KANK2: variants seen among roughly 807,000 people sequenced by gnomAD.
KANK2 encodes the protein KN motif and ankyrin repeat domains 2, also known as KN motif and ankyrin repeat domain-containing protein 2.
Under a neutral mutation model 74.6 loss-of-function variants are expected in KANK2, and 41 were observed. That is an observed-to-expected ratio of 0.55 (90% CI 0.43 to 0.71). The LOEUF (loss-of-function observed/expected upper bound fraction) is 0.71, where lower values mean the gene tolerates loss of function less well. KANK2 is among the 30% of genes least tolerant of loss of function. The pLI, the probability that KANK2 is intolerant of heterozygous loss-of-function variation, is 0.00. For synonymous variants in KANK2, 537 were observed against 519.0 expected, an observed-to-expected ratio of 1.03 and a Z score of -0.47; for missense variants, 1,148 against 1,196.4, an observed-to-expected ratio of 0.96 and a Z score of 0.60.
chr19:11,183,060 A>C lies in KANK2; in HGVS notation c.1250-4340T>G, dbSNP rs552792374. ...GTTATCCCACTGGGGAATGGGGCCA[A>C]CTGACACTAAAATTTACACAAAAGA... On this transcript the variant is annotated intron_variant, in intron 4 of 12. Coordinates refer to ENST00000586659, the MANE Select transcript of KANK2 (RefSeq NM_001136191.3). Among the ~76,000 whole-genome samples, 8 of 152,302 alleles carry C rather than the reference A, an allele frequency of 5.3e-5. No individual in the cohort carries two copies. The South Asian group carries it at 1.7e-3, about 32-fold the overall frequency.
rs770819010 is a variant in KANK2, at chr19:11,193,023, G to T, written c.1057C>A (p.Arg353=). Residue 353 remains arginine, a synonymous_variant, in exon 4 of 13, where the codon CGG becomes AGG. Coordinates refer to ENST00000586659, the MANE Select transcript of KANK2 (RefSeq NM_001136191.3). The surrounding 1 kb of genome is among the most constrained non-coding windows in gnomAD (Gnocchi z 9.6). ...ASTAAGAPAQ[R]AQSLEPYGTG... ...CCGTAAGGCTCCAGGCTCTGGGCCC[G>T]CTGTGCGGGGGCGCCAGCGGCTGTG... 3 of 1,612,726 alleles carry T rather than the reference G, an allele frequency of 1.9e-6. No individual in the cohort carries two copies. The Admixed American group carries it at 5.0e-5, about 27-fold the overall frequency.
chr19:11,194,608 CG>C lies in KANK2; in HGVS notation c.-79-19del. The C allele has an allele frequency of 1.0e-6, 1 of 986,876 alleles. No homozygotes were observed. The highest frequency in any genetic ancestry group is 1.6e-6 in the Non-Finnish European group (1 of 620,436). The allele number at this position is 986,876 out of a possible 1,614,324, so 61.1% of individuals were successfully genotyped here. ...AGGCTTACCTGGGGAAAGAGAACCA[CG>C]GCGCCGGGAGTTAGGAGTCTGTAGG... is the stretch of plus-strand genomic sequence containing the variant. On this transcript the variant is annotated intron_variant, in intron 2 of 12. Transcript: ENST00000586659.
At position 11,166,471 on chromosome 19, in the gene KANK2, G is replaced by A. The variant is rs1324261268; in HGVS notation, c.*87C>T. The A allele has an allele frequency of 5.6e-6, 7 of 1,258,732 alleles. No homozygotes were observed. The highest frequency in any genetic ancestry group is 8.1e-6 in the Non-Finnish European group (7 of 861,148). 78.0% of individuals were successfully genotyped at this position (1,258,732 alleles called of 1,614,324 possible). ...GTGGGCCTTGGGGAGTGTGAGTGGG[G>A]TGGGCCAGGGAGGAACGGGAACAGG... is the stretch of plus-strand genomic sequence containing the variant. On this transcript the variant is annotated 3_prime_UTR_variant, in exon 13 of 13. Transcript: ENST00000586659.
In KANK2 at chr19:11,176,704, G is replaced by A; in HGVS notation, c.1634C>T (p.Pro545Leu). ...RERVPSVAEA[P>L]QLRPAGTAAA... ...TGCCGTCCCTGCAGGCCTGAGCTGG[G>A]GGGCTTCGGCCACACTCGGAACCCT... The change falls in exon 7 of 13, where the codon CCC (proline) becomes CTC (leucine). Residue 545 changes from proline to leucine, a missense_variant. Pro to Leu is a moderately conservative substitution (Grantham distance 98). Transcript: ENST00000586659. 1 of 1,612,876 alleles carries A rather than the reference G, an allele frequency of 6.2e-7. No homozygotes were observed. Among genetic ancestry groups the A allele is most frequent in the Non-Finnish European group, 8.5e-7 (1 of 1,179,572 alleles).
rs745565215 is a variant in KANK2, at chr19:11,192,790, C to CG, written c.1249+40_1249+41insC. Reference sequence around the variant, plus strand: ...AGCCATGGGAAGAAAGAGGCCCCCCCCCCCCAAGCCATTCTCCCCTGCCTG... The same window carrying CG: ...AGCCATGGGAAGAAAGAGGCCCCCCCGCCCCCAAGCCATTCTCCCCTGCCTG... On this transcript the variant is annotated intron_variant, in intron 4 of 12. Coordinates refer to ENST00000586659, the MANE Select transcript of KANK2 (RefSeq NM_001136191.3). 7.0e-6 allele frequency: 11 copies of CG among 1,579,944 alleles called. No individual in the cohort carries two copies. In the East Asian group the frequency reaches 1.8e-4, roughly 27 times the overall value.
rs1287925540 is a variant in KANK2 at position 11,164,668 on chromosome 19, TTTG to T, written c.*1887_*1889del. ...TTAATTGTTTCCAATCAGCTTTGGT[TTTG>T]TTTTCTCTGCAATTTACATGCAAAC... is the stretch of plus-strand genomic sequence containing the variant. On this transcript the variant is annotated 3_prime_UTR_variant, in exon 13 of 13. Coordinates refer to ENST00000586659, the MANE Select transcript of KANK2 (RefSeq NM_001136191.3). 3.3e-5 allele frequency: 5 copies of T among 150,506 alleles called. No homozygotes were observed. The highest frequency in any genetic ancestry group is 5.9e-5 in the Non-Finnish European group (4 of 67,398). The allele number at this position is 150,506 out of a possible 1,614,324, so 9.3% of individuals were successfully genotyped here. A position where few individuals can be genotyped will look rare whatever the true frequency, so the allele number is the denominator to read the frequency against.
At position 11,193,640 on chromosome 19, in the gene KANK2, G is replaced by A. The variant is rs575810149; in HGVS notation, c.440C>T (p.Ser147Phe). The A allele has an allele frequency of 4.6e-5, 73 of 1,595,462 alleles. 2 individuals carry two copies. The South Asian group carries it at 6.6e-4, about 14-fold the overall frequency. The change falls in exon 4 of 13, where the codon TCC becomes TTC. Residue 147 changes from serine (S) to phenylalanine (F), a missense_variant. Transcript: ENST00000586659. This position sits in a 1 kb window ranked among gnomAD's most constrained non-coding sequence, Gnocchi z 9.6. The stretch of plus-strand genomic sequence containing the variant: ...CGAGCCGGCCGCACTGGGGGTCAGG[G>A]AGCCCAGGCCGGTGGGTGTGGCCGC... ...DQAATPTGLG[S>F]LTPSAAGSTA...
intron 10 of KANK2, 78 bp downstream of exon 10, chr19:11,172,903 G>T (rs2078217233): frequency 1.3e-6 from 2 of 1,518,228 alleles, no homozygotes; most frequent in Admixed American, 1.8e-5. Context: ...GACCACCTGG[G>T]TTTGGGCCTG....
intron 4 of KANK2, among the ~76,000 whole-genome samples, chr19:11,180,101 A>C (rs1432437972): frequency 1.3e-5 from 2 of 152,136 alleles, no homozygotes; most frequent in Non-Finnish European, 2.9e-5. Flanking sequence ...AGCTCAAGTG[A>C]TCCGCCTTCC....
At position 11,178,682 on chromosome 19, in the gene KANK2, G is replaced by A. The variant is rs775927947; in HGVS notation, c.1288C>T (p.Pro430Ser). Reference sequence around the variant, plus strand: ...GTAAGGGAGGCTACCTCGGACCCCGGGGGTGACGAAGACGATTCGGCAGGA... The same window carrying A: ...GTAAGGGAGGCTACCTCGGACCCCGAGGGTGACGAAGACGATTCGGCAGGA... The part of the protein sequence containing the change: ...EVPAESSSSP[P>S]GSEVASLTQP... The change falls in exon 5 of 13, where the codon CCG (proline) becomes TCG (serine). Residue 430 changes from proline (P) to serine (S), a missense_variant. Transcript: ENST00000586659. 2 of 1,543,772 alleles carry A rather than the reference G, an allele frequency of 1.3e-6. No individual in the cohort carries two copies. Among genetic ancestry groups the A allele is most frequent in the South Asian group, 2.5e-5 (2 of 81,240 alleles).
intron 6 of KANK2, 92 bp from the exon 7 acceptor site, chr19:11,176,909 T>C (rs1164066326): frequency 2.1e-6 from 3 of 1,411,422 alleles, no homozygotes; most frequent in Non-Finnish European, 2.8e-6. Context: ...CTGACCTCTG[T>C]GGGCCTCAGC....
At chr19:11,178,057 G>A (rs529426829) in intron 6 of KANK2, among the ~76,000 whole-genome samples, 16 of 152,254 alleles carry the variant, frequency 1.1e-4, no homozygotes, top group African/African-American at 3.9e-4. Flanking sequence ...AGCTCTATCA[G>A]GGCAGGAAGC....
chr19:11,178,806 G>A, intron 4 of KANK2, 86 bp from the exon 5 acceptor site: 1 of 1,264,594 alleles, frequency 7.9e-7, no homozygotes, highest in Non-Finnish European at 1.1e-6. Flanking sequence ...TGGGCCAGGA[G>A]CTGTAACAGG....
At chr19:11,186,057 T>C (rs898529164) in intron 4 of KANK2, among the ~76,000 whole-genome samples, 1 of 150,998 alleles carries the variant, frequency 6.6e-6, no homozygotes, top group East Asian at 2.0e-4. Flanking sequence ...AATGAGGAGA[T>C]ACCATTATGT....
Position 11,173,620 on chromosome 19 carries a change from T to C in KANK2, c.2069-497A>G, listed in dbSNP as rs117127172. 2.1e-3 allele frequency among the ~76,000 whole-genome samples: 315 copies of C among 152,302 alleles called. 2 individuals are homozygous for C. The highest frequency in any genetic ancestry group is 0.015 in the South Asian group (72 of 4,828). Reference sequence around the variant, plus strand: ...ACCTCCATCATGCAGGCGTGTTAGGTTCACACGTTTCCCTAACATCACTTC... The same window carrying C: ...ACCTCCATCATGCAGGCGTGTTAGGCTCACACGTTTCCCTAACATCACTTC... On this transcript the variant is annotated intron_variant, in intron 9 of 12. Coordinates refer to ENST00000586659, the MANE Select transcript of KANK2 (RefSeq NM_001136191.3).
At chr19:11,194,338 C>T (rs1308118330) in intron 3 of KANK2, 137 bp downstream of exon 3, 2 of 715,678 alleles carry the variant, frequency 2.8e-6, no homozygotes, top group East Asian at 2.6e-5. Flanking sequence ...CAGGGCAGGA[C>T]TCTGCCTCCT....
At position 11,169,859 on chromosome 19, in the gene KANK2, G is replaced by A. The variant is rs200495084; in HGVS notation, c.2502+18C>T. ...AGACCCACCCATCCCGTGCCTACCC[G>A]GCCGGATTGAGACTCACCGAGCACT... On this transcript the variant is annotated intron_variant, in intron 12 of 12. Transcript: ENST00000586659. 3.2e-5 allele frequency: 51 copies of A among 1,606,878 alleles called. No individual in the cohort carries two copies. In the African/African-American group the frequency reaches 4.7e-4, roughly 15 times the overall value.
At position 11,178,700 on chromosome 19, in the gene KANK2, C is replaced by G; in HGVS notation, c.1270G>C (p.Glu424Gln). 6.5e-7 allele frequency: 1 copy of G among 1,532,832 alleles called. No individual in the cohort carries two copies. The highest frequency in any genetic ancestry group is 8.7e-7 in the Non-Finnish European group (1 of 1,145,406). 95.0% of individuals were successfully genotyped at this position (1,532,832 alleles called of 1,614,324 possible). A position where few individuals can be genotyped will look rare whatever the true frequency, so the allele number is the denominator to read the frequency against. Reference sequence around the variant, plus strand: ...GACCCCGGGGGTGACGAAGACGATTCGGCAGGAACTTCTGGGAGGCCTGGA... The same window carrying G: ...GACCCCGGGGGTGACGAAGACGATTGGGCAGGAACTTCTGGGAGGCCTGGA... ...GAAGLPEVPA[E>Q]SSSSPPGSEV... Residue 424 changes from glutamate (E) to glutamine (Q), a missense_variant, in exon 5 of 13, where the codon GAA becomes CAA. By Grantham distance (29) the Glu-to-Gln change is conservative (BLOSUM62 2). Transcript: ENST00000586659.
At chr19:11,168,526 C>T (rs2078086867) in intron 12 of KANK2, among the ~76,000 whole-genome samples, 2 of 152,052 alleles carry the variant, frequency 1.3e-5, no homozygotes, top group Admixed American at 1.3e-4. Flanking sequence ...ATCCTTCCAT[C>T]TCGGCCCCAC....
Sources: gnomAD v4.1 joint callset for allele counts (sites outside exome capture counted in the v4.1 genomes callset) on GRCh38, gnomAD v4.1.1 for gene constraint, Gnocchi (gnomAD v3.1) non-coding constraint, MANE v1.5 for transcripts, NCBI Gene and HGNC (gene_info 2026-07-23, HGNC 2026-07-21) for gene names.